The following DUS3L variants were observed in gnomAD, a reference collection of about 807,000 sequenced individuals.
DUS3L encodes the protein tRNA-dihydrouridine(47) synthase [NAD(P)(+)]-like.
DUS3L carries 62 observed loss-of-function variants against 74.6 expected under a neutral mutation model. That is an observed-to-expected ratio of 0.83 (90% CI 0.68 to 1.03). The LOEUF (loss-of-function observed/expected upper bound fraction) is 1.03. Among genes scored for constraint, DUS3L ranks in the 50% least tolerant of loss-of-function variants. DUS3L has a pLI of 0.00. For missense variants in DUS3L, 884 were observed against 924.4 expected, an observed-to-expected ratio of 0.96 and a Z score of 0.57; for synonymous variants, 433 against 395.7, an observed-to-expected ratio of 1.09 and a Z score of -1.12.
At chr19:5,790,823 C>T (rs887452738) in intron 1 of DUS3L, 7 of 602,070 alleles carry the variant, frequency 1.2e-5, no homozygotes, top group Non-Finnish European at 2.1e-5. Flanking sequence ...TCCCACCTGC[C>T]CTAGCATGCA....
intron 1 of DUS3L, chr19:5,790,687 G>A (rs1455521107): frequency 1.9e-6 from 1 of 538,106 alleles, no homozygotes; most frequent in Non-Finnish European, 3.3e-6. Context: ...GCAGGCCCCA[G>A]CACGCCCCGC....
chr19:5,789,349 C>T lies in DUS3L; in HGVS notation c.758G>A (p.Gly253Asp). Residue 253 changes from glycine (G) to aspartate (D), a missense_variant, in exon 3 of 13, where the codon GGC (glycine) becomes GAC (aspartate). Physicochemically the swap from Gly to Asp is moderately conservative, Grantham distance 94 (BLOSUM62 -1). Coordinates refer to ENST00000309061, the MANE Select transcript of DUS3L (RefSeq NM_020175.3). ...ACCACAGTTTTCCTGCCTGGGAGCG[C>T]CCTCGGCTGCCGTGCCCTCGGGGAC... is the stretch of plus-strand genomic sequence containing the variant. ...AAVPEGTAAEGAPRQENCGAQ... is the reference protein window; with the variant it reads ...AAVPEGTAAEDAPRQENCGAQ... 6.3e-7 allele frequency: 1 copy of T among 1,598,512 alleles called. No homozygotes were observed. Among genetic ancestry groups the T allele is most frequent in the Non-Finnish European group, 8.5e-7 (1 of 1,173,926 alleles).
intron 3 of DUS3L, 141 bp from the exon 4 acceptor site, chr19:5,788,539 A>G (rs1203094672): frequency 1.2e-6 from 1 of 849,674 alleles, no homozygotes; most frequent in Non-Finnish European, 1.8e-6. Context: ...GCATGTGCCA[A>G]TCAATCCCTT....
At chr19:5,787,452 G>T in intron 6 of DUS3L, 91 bp from the exon 7 acceptor site, 1 of 1,523,090 alleles carries the variant, frequency 6.6e-7, no homozygotes, top group East Asian at 2.3e-5. Context: ...ACCAGGAGAC[G>T]CCGACCTGCA....
At chr19:5,788,428 G>A in intron 3 of DUS3L, 30 bp from the exon 4 acceptor site, 2 of 1,604,124 alleles carry the variant, frequency 1.2e-6, no homozygotes, top group Non-Finnish European at 1.7e-6. Flanking sequence ...CACAAGTGGA[G>A]CTTGGCCTCC....
Position 5,788,363 on chromosome 19 carries a change from G to A in DUS3L, c.936C>T (p.Leu312=), listed in dbSNP as rs2056875859. 1.9e-6 allele frequency: 3 copies of A among 1,613,658 alleles called. No homozygotes were observed. Among genetic ancestry groups the A allele is most frequent in the African/African-American group, 2.7e-5 (2 of 74,938 alleles). ...DIRGKLYLAP[L]TTCGNLPFRR... ...CACCTGACCCAGGTCCTACCGTGGT[G>A]AGGGGGGCCAGGTAAAGTTTGCCAC... is the stretch of plus-strand genomic sequence containing the variant. The change falls in exon 4 of 13, where the codon CTC becomes CTT. Residue 312 remains leucine, a synonymous_variant. Transcript: ENST00000309061.
chr19:5,787,058 C>T lies in DUS3L; in HGVS notation c.1389+3G>A. ...CCAATGCCCGAGGCGTCCCAAGACC[C>T]ACCGTGACGAGTGCCACGCCCCAGT... is the stretch of plus-strand genomic sequence containing the variant. On this transcript the variant is annotated splice_donor_region_variant and intron_variant, in intron 8 of 12. Coordinates refer to ENST00000309061, the MANE Select transcript of DUS3L (RefSeq NM_020175.3). 6.5e-7 allele frequency: 1 copy of T among 1,542,890 alleles called. No homozygotes were observed. Among genetic ancestry groups the T allele is most frequent in the Non-Finnish European group, 8.7e-7 (1 of 1,150,904 alleles).
In DUS3L at chr19:5,787,172, C is replaced by CT; in HGVS notation, c.1279-2dup. The CT allele has an allele frequency of 7.8e-6, 1 of 127,964 alleles. No homozygotes were observed. The allele number at this position is 127,964 out of a possible 1,614,324, so 7.9% of individuals were successfully genotyped here. A position where few individuals can be genotyped will look rare whatever the true frequency, so the allele number is the denominator to read the frequency against. Reference sequence around the variant, plus strand: ...TCACAGTCAGCGGCACATCCAGCACCTACAGGACGGTGGTGGGAGGTGGTG... The same window carrying CT: ...TCACAGTCAGCGGCACATCCAGCACCTTACAGGACGGTGGTGGGAGGTGGTG... On this transcript the variant is annotated splice_acceptor_variant, in intron 7 of 12. Transcript: ENST00000309061. LOFTEE classifies it high-confidence loss of function.
At chr19:5,787,549 C>T (rs748780744) in intron 6 of DUS3L, 40 bp downstream of exon 6, 16 of 1,601,922 alleles carry the variant, frequency 1.0e-5, no homozygotes, top group Non-Finnish European at 1.2e-5. Context: ...TGCCTCCCTG[C>T]CCAGATGGGG....
chr19:5,788,971 T>C (rs1312716466), intron 3 of DUS3L, among the ~76,000 whole-genome samples: 2 of 152,118 alleles, frequency 1.3e-5, no homozygotes, highest in Non-Finnish European at 2.9e-5. Context: ...CCTCCCAAAG[T>C]GCTGGGATTA....
chr19:5,787,093 C>G lies in DUS3L; in HGVS notation c.1357G>C (p.Glu453Gln), dbSNP rs200981144. ...AGTGCCACGCCCCAGTCCCGCAGCTCGGGCAGCAGGCGGTGCGCCAGGTTC... is the reference window on the plus strand; with the variant it reads ...AGTGCCACGCCCCAGTCCCGCAGCTGGGGCAGCAGGCGGTGCGCCAGGTTC... ...RVNLAHRLLP[E>Q]LRDWGVALVT... The change falls in exon 8 of 13, where the codon GAG becomes CAG. Residue 453 changes from glutamate to glutamine, a missense_variant. Transcript: ENST00000309061. The G allele has an allele frequency of 8.6e-7, 1 of 1,159,220 alleles. No individual in the cohort carries two copies. 71.8% of individuals were successfully genotyped at this position (1,159,220 alleles called of 1,614,324 possible). A position where few individuals can be genotyped will look rare whatever the true frequency, so the allele number is the denominator to read the frequency against.
intron 1 of DUS3L, 92 bp downstream of exon 1, chr19:5,790,952 G>C: frequency 7.7e-7 from 1 of 1,299,948 alleles, no homozygotes; most frequent in Non-Finnish European, 1.1e-6. Context: ...CTCGCCCTCA[G>C]CCGCTGCCTA....
At chr19:5,786,575 C>T (rs772724016) in intron 9 of DUS3L, 33 bp from the exon 10 acceptor site, 4 of 1,608,524 alleles carry the variant, frequency 2.5e-6, no homozygotes, top group Admixed American at 3.4e-5. Context: ...CTCAGGGAGA[C>T]ATGGGCAGGT....
At position 5,790,139 on chromosome 19, in the gene DUS3L, T is replaced by C; in HGVS notation, c.295A>G (p.Thr99Ala). 6.2e-7 allele frequency: 1 copy of C among 1,614,088 alleles called. No homozygotes were observed. The highest frequency in any genetic ancestry group is 8.5e-7 in the Non-Finnish European group (1 of 1,180,024). ...TTTTGTCCCCGGGCCCTCTTCTGAG[T>C]CTGTAGCTGCTCCCCGGGCTCTGCT... is the stretch of plus-strand genomic sequence containing the variant. Reference protein sequence around the residue: ...EAAEPGEQLQTQKRARGQNKG... With the variant: ...EAAEPGEQLQAQKRARGQNKG... The change falls in exon 2 of 13, where the codon ACT becomes GCT. Residue 99 changes from threonine to alanine, a missense_variant. Physicochemically the swap from Thr to Ala is moderately conservative, Grantham distance 58. Coordinates refer to ENST00000309061, the MANE Select transcript of DUS3L (RefSeq NM_020175.3).
chr19:5,785,483 G>C lies in DUS3L; in HGVS notation c.1780C>G (p.Leu594Val), dbSNP rs1417649921. 3 of 1,573,284 alleles carry C rather than the reference G, an allele frequency of 1.9e-6. No individual in the cohort carries two copies. Among genetic ancestry groups the C allele is most frequent in the Non-Finnish European group, 2.6e-6 (3 of 1,159,458 alleles). ...RYVPVGLLER[L>V]PQRINERPPY... ...GGCCGCTCGTTGATCCTCTGTGGGAGCCGCTCCAGCAGCCCCACGGGCACG... is the reference window on the plus strand; with the variant it reads ...GGCCGCTCGTTGATCCTCTGTGGGACCCGCTCCAGCAGCCCCACGGGCACG... Residue 594 changes from leucine (L) to valine (V), a missense_variant, in exon 12 of 13, where the codon CTC becomes GTC. Leu to Val is a conservative substitution (Grantham distance 32, BLOSUM62 1). Transcript: ENST00000309061.
intron 5 of DUS3L, 147 bp from the exon 6 acceptor site, chr19:5,787,852 C>T (rs759388019): frequency 1.7e-5 from 24 of 1,429,388 alleles, no homozygotes; most frequent in Non-Finnish European, 2.3e-5. Context: ...GTCTGCGAGG[C>T]ACCGGTCCCC....
In DUS3L at chr19:5,785,770, C is replaced by A. The variant is rs1486523259; in HGVS notation, c.1584G>T (p.Trp528Cys). The A allele has an allele frequency of 6.2e-7, 1 of 1,605,486 alleles. No individual in the cohort carries two copies. Among genetic ancestry groups the A allele is most frequent in the Non-Finnish European group, 8.5e-7 (1 of 1,177,282 alleles). Residue 528 changes from tryptophan to cysteine, a missense_variant, in exon 11 of 13, where the codon TGG becomes TGT. Physicochemically the swap from Trp to Cys is radical, Grantham distance 215 (BLOSUM62 -2). Coordinates refer to ENST00000309061, the MANE Select transcript of DUS3L (RefSeq NM_020175.3). ...GCTGCTCCTTGATCTCCGTGAAGAG[C>A]CACGGCTTGAGCAGGGCGCCACTGT... The part of the protein sequence containing the change: ...MIARGALLKP[W>C]LFTEIKEQRH...
At chr19:5,785,360 C>G in intron 12 of DUS3L, 23 bp downstream of exon 12, 1 of 1,603,450 alleles carries the variant, frequency 6.2e-7, no homozygotes, top group African/African-American at 1.3e-5. Context: ...CTGCAGCTCC[C>G]CAACTCCAGC....
intron 10 of DUS3L, 73 bp from the exon 11 acceptor site, chr19:5,785,864 C>T (rs2056836857): frequency 6.8e-7 from 1 of 1,460,074 alleles, no homozygotes. Context: ...GCTTCCATGG[C>T]CTGGCCTGAG....
Sources: gnomAD v4.1 joint callset for allele counts (sites outside exome capture counted in the v4.1 genomes callset) on GRCh38, gnomAD v4.1.1 for gene constraint, MANE v1.5 for transcripts, NCBI Gene and HGNC (gene_info 2026-07-23, HGNC 2026-07-21) for gene names.